CENPF: variants seen among roughly 807,000 people sequenced by gnomAD.
The protein encoded by CENPF is AH antigen.
A neutral mutation model predicts 307.3 loss-of-function variants in CENPF; 214 were observed. The observed-to-expected ratio is 0.70, with a 90% CI of 0.62 to 0.78. The LOEUF (loss-of-function observed/expected upper bound fraction) is 0.78. Ranked by LOEUF, CENPF falls within the 30% of genes least tolerant of loss-of-function variation. CENPF has a pLI of 0.00. For synonymous variants in CENPF, 1,259 were observed against 1,270.6 expected, an observed-to-expected ratio of 0.99 and a Z score of 0.19; for missense variants, 3,401 against 3,483.9, an observed-to-expected ratio of 0.98 and a Z score of 0.60.
chr1:214,643,224 A>G lies in CENPF; in HGVS notation c.4886A>G (p.Lys1629Arg). 1 of 1,601,880 alleles carries G rather than the reference A, an allele frequency of 6.2e-7. No homozygotes were observed. Among genetic ancestry groups the G allele is most frequent in the Non-Finnish European group, 8.5e-7 (1 of 1,175,872 alleles). Residue 1629 changes from lysine (K) to arginine (R), a missense_variant, in exon 12 of 20, where the codon AAA becomes AGA. Physicochemically the swap from Lys to Arg is conservative, Grantham distance 26 (BLOSUM62 2). Coordinates refer to ENST00000366955, the MANE Select transcript of CENPF (RefSeq NM_016343.4). ...GAGTCCAAGTTGGCGGCAGAAAAGA[A>G]ACAGACGGAACAACTGTCACTTGAG... ...EMESKLAAEK[K>R]QTEQLSLELE...
At chr1:214,613,367 C>CTTT (rs1356876732) in intron 1 of CENPF, 4 of 212,634 alleles carry the variant, frequency 1.9e-5, no homozygotes, top group Non-Finnish European at 3.8e-5. Context: ...CTTCGAGAGA[C>CTTT]TTTTACTCCT....
chr1:214,603,270 C>G lies in CENPF; in HGVS notation c.-93C>G, dbSNP rs544668185. Reference sequence around the variant, plus strand: ...ACTCTGGGCTCCAGCCCGCCGAAGCCGCGCCAGAACTGTACTCTCCGAGAG... The same window carrying G: ...ACTCTGGGCTCCAGCCCGCCGAAGCGGCGCCAGAACTGTACTCTCCGAGAG... On this transcript the variant is annotated 5_prime_UTR_variant, in exon 1 of 20. Transcript: ENST00000366955. The G allele has an allele frequency of 4.5e-4, 68 of 152,444 alleles. 1 individual carries two copies. Among genetic ancestry groups the G allele is most frequent in the South Asian group, 1.0e-3 (5 of 4,830 alleles). 9.4% of individuals were successfully genotyped at this position (152,444 alleles called of 1,614,324 possible).
chr1:214,641,476 A>G lies in CENPF; in HGVS notation c.3138A>G (p.Ala1046=). 2 of 1,533,836 alleles carry G rather than the reference A, an allele frequency of 1.3e-6. No homozygotes were observed. The highest frequency in any genetic ancestry group is 8.7e-7 in the Non-Finnish European group (1 of 1,149,014). Residue 1046 remains alanine, a synonymous_variant, in exon 12 of 20, where the codon GCA becomes GCG. Transcript: ENST00000366955. ...YEDLSQKYKA[A]QEKNSKLECL... Reference sequence around the variant, plus strand: ...ATCTTAGTCAAAAATACAAAGCAGCACAGGAAAAGAATTCTAAATTAGAAT... The same window carrying G: ...ATCTTAGTCAAAAATACAAAGCAGCGCAGGAAAAGAATTCTAAATTAGAAT...
chr1:214,608,840 T>C, intron 1 of CENPF: 1 of 1,559,118 alleles, frequency 6.4e-7, no homozygotes, highest in South Asian at 1.1e-5. Context: ...AGCCCGTTCA[T>C]GGCGGGCGCC....
rs538750882 is a variant in CENPF at position 214,617,236 on chromosome 1, G to A, written c.360-1337G>A. On this transcript the variant is annotated intron_variant, in intron 3 of 19. Coordinates refer to ENST00000366955, the MANE Select transcript of CENPF (RefSeq NM_016343.4). ...CTAATTTTTGTATTTTTAGTAGAGA[G>A]AGGTTTTCGCCAAGTTGGCCAGGCT... Among the ~76,000 whole-genome samples, 496 of 151,714 alleles carry A rather than the reference G, an allele frequency of 3.3e-3. 5 individuals carry two copies. Among genetic ancestry groups the A allele is most frequent in the African/African-American group, 0.011 (468 of 41,376 alleles).
At chr1:214,628,995 A>G in intron 7 of CENPF, 51 bp from the exon 8 acceptor site, 2 of 1,376,896 alleles carry the variant, frequency 1.5e-6, no homozygotes, top group Non-Finnish European at 2.0e-6. Context: ...ATATTTGTTC[A>G]TTTATGTGAG....
At chr1:214,658,135 A>C (rs372746912) in intron 18 of CENPF, among the ~76,000 whole-genome samples, 1 of 152,112 alleles carries the variant, frequency 6.6e-6, no homozygotes, top group East Asian at 1.9e-4. Context: ...ACTCTAGCCC[A>C]AAAATAGTTA....
In CENPF at chr1:214,642,763, C is replaced by T. The variant is rs755384698; in HGVS notation, c.4425C>T (p.Ser1475=). ...GCTTGGAGGAGGGGCTCGTTCCATCCCTGTCATCCTCTTGTGTGCCTGACA... is the reference window on the plus strand; with the variant it reads ...GCTTGGAGGAGGGGCTCGTTCCATCTCTGTCATCCTCTTGTGTGCCTGACA... ...QLGLEEGLVP[S]LSSSCVPDSS... The change falls in exon 12 of 20, where the codon TCC becomes TCT. Residue 1475 remains serine (S), a synonymous_variant. Transcript: ENST00000366955. The T allele has an allele frequency of 6.2e-7, 1 of 1,613,860 alleles. No individual in the cohort carries two copies. The highest frequency in any genetic ancestry group is 8.5e-7 in the Non-Finnish European group (1 of 1,179,924).
At chr1:214,639,262 AG>A (rs1322366463) in intron 11 of CENPF, among the ~76,000 whole-genome samples, 1 of 152,152 alleles carries the variant, frequency 6.6e-6, no homozygotes, top group Admixed American at 6.5e-5. Context: ...GGCAGAAGAC[AG>A]GGGGTAACGG....
intron 1 of CENPF, chr1:214,606,122 G>A (rs1310989802): frequency 1.9e-5 from 29 of 1,543,042 alleles, no homozygotes; most frequent in South Asian, 5.8e-5. Context: ...TCCGACGCGC[G>A]CGCACCCTTC....
At chr1:214,639,137 A>G (rs1029717020) in intron 11 of CENPF, among the ~76,000 whole-genome samples, 3 of 152,206 alleles carry the variant, frequency 2.0e-5, no homozygotes, top group African/African-American at 7.2e-5. Context: ...GAGGTTCTCA[A>G]CTTTCAATCT....
chr1:214,614,083 C>T (rs1657271233), intron 2 of CENPF, among the ~76,000 whole-genome samples, 167 bp downstream of exon 2: 2 of 139,180 alleles, frequency 1.4e-5, no homozygotes, highest in Admixed American at 1.4e-4. Context: ...CCTCCCCCAC[C>T]CCCACCCCAG....
intron 7 of CENPF, among the ~76,000 whole-genome samples, chr1:214,622,658 C>T (rs987639822): frequency 1.1e-4 from 16 of 152,124 alleles, no homozygotes; most frequent in Admixed American, 8.5e-4. Flanking sequence ...CTCTTGGGAT[C>T]GTATATATAG....
chr1:214,656,770 C>A (rs1365291309), intron 17 of CENPF, among the ~76,000 whole-genome samples, 163 bp from the exon 18 acceptor site: 2 of 151,854 alleles, frequency 1.3e-5, no homozygotes, highest in African/African-American at 4.8e-5. Flanking sequence ...ACCTCCCGAA[C>A]AAGAGTTGTT....
Position 214,640,168 on chromosome 1 carries a change from A to C in CENPF, c.1830A>C (p.Glu610Asp). ...TAGAGTTAAAAAAGAAAGAATATGA[A>C]GAATTGAAAGAAGAGAAAACTCTGT... is the stretch of plus-strand genomic sequence containing the variant. Reference protein sequence around the residue: ...SALELKKKEYEELKEEKTLFS... With the variant: ...SALELKKKEYDELKEEKTLFS... Residue 610 changes from glutamate to aspartate, a missense_variant, in exon 12 of 20, where the codon GAA becomes GAC. By Grantham distance (45) the Glu-to-Asp change is conservative (BLOSUM62 2). Transcript: ENST00000366955. 1.3e-6 allele frequency: 2 copies of C among 1,588,934 alleles called. No homozygotes were observed. The highest frequency in any genetic ancestry group is 1.7e-6 in the Non-Finnish European group (2 of 1,173,880).
chr1:214,615,750 C>T (rs2102532223), intron 3 of CENPF, among the ~76,000 whole-genome samples: 1 of 152,166 alleles, frequency 6.6e-6, no homozygotes, highest in African/African-American at 2.4e-5. Context: ...ACCAGCATGG[C>T]CAACATGGTG....
Position 214,642,807 on chromosome 1 carries a change from T to G in CENPF, c.4469T>G (p.Leu1490Trp), listed in dbSNP as rs771089588. The G allele has an allele frequency of 1.2e-6, 2 of 1,613,884 alleles. No homozygotes were observed. The highest frequency in any genetic ancestry group is 2.7e-5 in the African/African-American group (2 of 74,904). Residue 1490 changes from leucine (L) to tryptophan (W), a missense_variant, in exon 12 of 20, where the codon TTG (leucine) becomes TGG (tryptophan). Transcript: ENST00000366955. Reference protein sequence around the residue: ...CVPDSSSLSSLGDSSFYRALL... With the variant: ...CVPDSSSLSSWGDSSFYRALL... ...CCTGACAGCTCTAGTCTTAGCAGTTTGGGAGACTCCTCCTTTTACAGAGCT... is the reference window on the plus strand; with the variant it reads ...CCTGACAGCTCTAGTCTTAGCAGTTGGGGAGACTCCTCCTTTTACAGAGCT...
intron 4 of CENPF, 29 bp downstream of exon 4, chr1:214,618,723 A>T (rs1657427004): frequency 6.3e-7 from 1 of 1,582,834 alleles, no homozygotes; most frequent in African/African-American, 1.4e-5. Context: ...TGGTATAGAC[A>T]GCTTTTTGTT....
chr1:214,622,287 T>C lies in CENPF; in HGVS notation c.1068+6T>C, dbSNP rs778105165. The C allele has an allele frequency of 6.3e-7, 1 of 1,585,458 alleles. No individual in the cohort carries two copies. Among genetic ancestry groups the C allele is most frequent in the Non-Finnish European group, 8.6e-7 (1 of 1,167,444 alleles). On this transcript the variant is annotated splice_donor_region_variant and intron_variant, in intron 7 of 19. Coordinates refer to ENST00000366955, the MANE Select transcript of CENPF (RefSeq NM_016343.4). ...ACGACCAGGCGTCAACCAAGGTACT[T>C]GACTTTTCGTGAATTACTGGAGAAA...
Sources: gnomAD v4.1 joint callset for allele counts (sites outside exome capture counted in the v4.1 genomes callset) on GRCh38, gnomAD v4.1.1 for gene constraint, MANE v1.5 for transcripts, NCBI Gene and HGNC (gene_info 2026-07-23, HGNC 2026-07-21) for gene names.